Variants in MPPED2 observed in about 807,000 individuals in gnomAD.
The protein encoded by MPPED2 is metallophosphoesterase domain containing 2.
Under a neutral mutation model 33.0 loss-of-function variants are expected in MPPED2, and 5 were observed. That is an observed-to-expected ratio of 0.15 (90% confidence interval 0.08 to 0.32). The LOEUF is 0.32. Ranked by LOEUF, MPPED2 falls within the 10% of genes least tolerant of loss-of-function variation. MPPED2 has a pLI of 1.00. For synonymous variants in MPPED2, 136 were observed against 141.9 expected, an observed-to-expected ratio of 0.96 and a Z score of 0.29; for missense variants, 275 against 372.1, an observed-to-expected ratio of 0.74 and a Z score of 2.15.
At chr11:30,433,531 G>T (rs1949178070) in intron 4 of MPPED2, among the ~76,000 whole-genome samples, 1 of 152,128 alleles carries the variant, frequency 6.6e-6, no homozygotes, top group Non-Finnish European at 1.5e-5. Flanking sequence ...GTCACAGGGA[G>T]ATGTGCTTAA....
At chr11:30,459,018 C>T (rs1008188319) in intron 4 of MPPED2, among the ~76,000 whole-genome samples, 6 of 147,750 alleles carry the variant, frequency 4.1e-5, no homozygotes, top group South Asian at 2.2e-4. Context: ...CTCCGCCTCC[C>T]GGGTTCACGC....
At chr11:30,442,885 G>C (rs543788547) in intron 4 of MPPED2, among the ~76,000 whole-genome samples, 1 of 152,250 alleles carries the variant, frequency 6.6e-6, no homozygotes, top group South Asian at 2.1e-4. Context: ...ATGGTGGCTT[G>C]AGCCTGTAGC....
chr11:30,424,428 G>A (rs942702340), intron 4 of MPPED2, among the ~76,000 whole-genome samples: 1 of 152,066 alleles, frequency 6.6e-6, no homozygotes, highest in Non-Finnish European at 1.5e-5. Context: ...CTCTCCGACT[G>A]CACATCACAC....
intron 4 of MPPED2, among the ~76,000 whole-genome samples, chr11:30,421,420 T>C (rs1452779966): frequency 6.6e-6 from 1 of 152,170 alleles, no homozygotes; most frequent in African/African-American, 2.4e-5. Context: ...ATGTCTGTCT[T>C]TTATTTCAAC....
intron 3 of MPPED2, among the ~76,000 whole-genome samples, chr11:30,534,576 A>T (rs1565160752): frequency 2.0e-5 from 3 of 152,224 alleles, no homozygotes; most frequent in Admixed American, 6.5e-5. Context: ...TCCAACATCC[A>T]ATGCTGCCAA....
intron 1 of MPPED2, among the ~76,000 whole-genome samples, chr11:30,583,134 CTTTTTTTTTTTTTTTT>C (rs199611856): frequency 0.028 from 2,669 of 96,706 alleles, 48 homozygotes; most frequent in Non-Finnish European, 0.039. Flanking sequence ...AAGACTTTTT[CTTTTTTTTTTTTTTTT>C]TTTTTTTTTT....
At chr11:30,570,541 G>C (rs952297252) in intron 2 of MPPED2, among the ~76,000 whole-genome samples, 7 of 152,092 alleles carry the variant, frequency 4.6e-5, no homozygotes, top group African/African-American at 1.7e-4. Context: ...AGTTTGATAG[G>C]CTTCGGTGGT....
At chr11:30,473,527 T>C (rs557796050) in intron 4 of MPPED2, among the ~76,000 whole-genome samples, 1 of 152,264 alleles carries the variant, frequency 6.6e-6, no homozygotes, top group African/African-American at 2.4e-5. Context: ...TCTAAGATGA[T>C]GGGTAGCCTC....
chr11:30,448,116 G>A (rs1009074), intron 4 of MPPED2, among the ~76,000 whole-genome samples: 1 of 151,948 alleles, frequency 6.6e-6, no homozygotes, highest in South Asian at 2.1e-4. Flanking sequence ...AGACGTGAAT[G>A]AGCATCATTT....
chr11:30,580,361 T>C lies in MPPED2; in HGVS notation c.13A>G (p.Ile5Val). ...ATGGTAACTTTGCCTTGAGAAGGAA[T>C]CCCATGTGCCATCCTTCCTCCCTAT... MAHG[I>V]PSQGKVTITV... The change falls in exon 2 of 7, where the codon ATT becomes GTT. Residue 5 changes from isoleucine (I) to valine (V), a missense_variant. By Grantham distance (29) the Ile-to-Val change is conservative. Coordinates refer to ENST00000358117, the MANE Select transcript of MPPED2 (RefSeq NM_001584.3). 1 of 1,614,066 alleles carries C rather than the reference T, an allele frequency of 6.2e-7. No individual in the cohort carries two copies. Among genetic ancestry groups the C allele is most frequent in the Non-Finnish European group, 8.5e-7 (1 of 1,179,978 alleles).
At chr11:30,536,515 C>G (rs953772608) in intron 2 of MPPED2, among the ~76,000 whole-genome samples, 2 of 152,120 alleles carry the variant, frequency 1.3e-5, no homozygotes, top group Non-Finnish European at 2.9e-5. Flanking sequence ...CAAAATTATG[C>G]TATTTCTCTC....
chr11:30,445,594 A>G (rs1374007489), intron 4 of MPPED2, among the ~76,000 whole-genome samples: 1 of 152,210 alleles, frequency 6.6e-6, no homozygotes, highest in African/African-American at 2.4e-5. Context: ...AACCGAAACT[A>G]CGCATTAAAT....
intron 4 of MPPED2, among the ~76,000 whole-genome samples, chr11:30,485,921 C>T (rs1333547576): frequency 6.6e-6 from 1 of 152,124 alleles, no homozygotes; most frequent in African/African-American, 2.4e-5. Flanking sequence ...CACAACATGG[C>T]TCTGATTATT....
intron 2 of MPPED2, among the ~76,000 whole-genome samples, chr11:30,540,190 CT>C (rs2134520216): frequency 6.6e-6 from 1 of 152,280 alleles, no homozygotes; most frequent in Admixed American, 6.5e-5. Flanking sequence ...ATAATAATGC[CT>C]AATTTTCTGT....
chr11:30,459,374 T>C (rs1273245899), intron 4 of MPPED2, among the ~76,000 whole-genome samples: 3 of 152,210 alleles, frequency 2.0e-5, no homozygotes, highest in Non-Finnish European at 4.4e-5. Flanking sequence ...CCACAGAATA[T>C]CTGGTTTGAA....
At chr11:30,448,939 C>G (rs1368227463) in intron 4 of MPPED2, among the ~76,000 whole-genome samples, 1 of 151,430 alleles carries the variant, frequency 6.6e-6, no homozygotes. Flanking sequence ...CAGGCGTGAG[C>G]CACCACCCCC....
chr11:30,554,136 C>T (rs1955853498), intron 2 of MPPED2, among the ~76,000 whole-genome samples: 1 of 152,146 alleles, frequency 6.6e-6, no homozygotes, highest in Admixed American at 6.5e-5. Flanking sequence ...TCTCCGCCCT[C>T]ATGTCAATCC....
At chr11:30,515,934 A>T (rs937968319) in intron 3 of MPPED2, among the ~76,000 whole-genome samples, 56 of 152,366 alleles carry the variant, frequency 3.7e-4, no homozygotes, top group African/African-American at 1.3e-3. Flanking sequence ...AAGTAGGCAT[A>T]CATTTCCACC....
At chr11:30,495,248 G>A in intron 4 of MPPED2, 48 bp downstream of exon 4, 2 of 1,288,658 alleles carry the variant, frequency 1.6e-6, no homozygotes, top group South Asian at 1.2e-5. Context: ...TGTTTTCTTG[G>A]TACTGAGCTA....
Sources: gnomAD v4.1 joint callset for allele counts (sites outside exome capture counted in the v4.1 genomes callset) on GRCh38, gnomAD v4.1.1 for gene constraint, MANE v1.5 for transcripts, NCBI Gene and HGNC (gene_info 2026-07-23, HGNC 2026-07-21) for gene names.